The following SEPTIN2 variants were observed in gnomAD, a reference collection of about 807,000 sequenced individuals.
SEPTIN2 encodes septin-2.
In SEPTIN2, 34 loss-of-function variants were observed where a neutral mutation model predicts 46.5. The observed-to-expected ratio is 0.73, with a 90% CI of 0.56 to 0.97. SEPTIN2 has a LOEUF of 0.97. Among genes scored for constraint, SEPTIN2 ranks in the 50% least tolerant of loss-of-function variants. The pLI, the probability that SEPTIN2 is intolerant of heterozygous loss-of-function variation, is 0.00. For missense variants in SEPTIN2, 347 were observed against 448.4 expected (o/e 0.77, Z 2.04); for synonymous variants, 175 against 153.4 (o/e 1.14, Z -1.04).
intron 9 of SEPTIN2, among the ~76,000 whole-genome samples, chr2:241,344,718 TAAATA>T (rs1219953068): frequency 6.7e-6 from 1 of 149,402 alleles, no homozygotes; most frequent in Non-Finnish European, 1.5e-5. Context: ...AATAATAAAT[TAAATA>T]AATAAATTTC....
At chr2:241,328,412 C>G (rs2078369722) in intron 3 of SEPTIN2, among the ~76,000 whole-genome samples, 2 of 151,456 alleles carry the variant, frequency 1.3e-5, no homozygotes, top group Non-Finnish European at 2.9e-5. Flanking sequence ...AGTCTGGCGA[C>G]AGAGCAAGAC....
intron 1 of SEPTIN2, among the ~76,000 whole-genome samples, chr2:241,320,842 C>T (rs1345051274): frequency 6.6e-6 from 1 of 151,924 alleles, no homozygotes; most frequent in African/African-American, 2.4e-5. Flanking sequence ...CTTTTTCCCC[C>T]CCTCATAATT....
chr2:241,316,426 G>T, intron 1 of SEPTIN2: 2 of 1,238,364 alleles, frequency 1.6e-6, no homozygotes, highest in South Asian at 3.1e-5. Flanking sequence ...CCTGAGGCGT[G>T]GAGGACTGGC....
chr2:241,316,986 G>C (rs2076420142), intron 1 of SEPTIN2: 1 of 155,364 alleles, frequency 6.4e-6, no homozygotes, highest in Non-Finnish European at 1.4e-5. Flanking sequence ...GTGAGGGCAG[G>C]GCACATGTTG....
chr2:241,321,286 A>G (rs138811402), intron 1 of SEPTIN2, among the ~76,000 whole-genome samples: 62 of 151,164 alleles, frequency 4.1e-4, no homozygotes, highest in African/African-American at 1.3e-3. Context: ...TTAAGTTTGT[A>G]TTTTTCCTAG....
chr2:241,335,878 A>T (rs2079883987), intron 4 of SEPTIN2, 97 bp from the exon 5 acceptor site: 1 of 1,491,100 alleles, frequency 6.7e-7, no homozygotes, highest in Non-Finnish European at 9.4e-7. Flanking sequence ...CTACCTCTGT[A>T]GAGAGGCAGT....
At chr2:241,321,128 G>A (rs1288602358) in intron 1 of SEPTIN2, among the ~76,000 whole-genome samples, 3 of 152,004 alleles carry the variant, frequency 2.0e-5, no homozygotes, top group South Asian at 2.1e-4. Context: ...CATTTTTTAA[G>A]GTATTGATTC....
At chr2:241,343,476 C>G (rs545124318) in intron 8 of SEPTIN2, among the ~76,000 whole-genome samples, 4 of 150,878 alleles carry the variant, frequency 2.7e-5, no homozygotes, top group African/African-American at 9.8e-5. Context: ...TCTAGCCTGG[C>G]GACAGAGCAA....
chr2:241,335,352 G>A, intron 4 of SEPTIN2, 140 bp downstream of exon 4: 2 of 1,552,730 alleles, frequency 1.3e-6, no homozygotes, highest in Non-Finnish European at 1.7e-6. Context: ...CTTTTATGGG[G>A]TAGGTGTGCT....
intron 12 of SEPTIN2, 123 bp from the exon 13 acceptor site, chr2:241,351,844 T>G (rs1575424160): frequency 6.6e-6 from 1 of 152,242 alleles, no homozygotes; most frequent in Non-Finnish European, 1.5e-5. Context: ...TTTGTGGTCA[T>G]GTAAGCCCTG....
intron 10 of SEPTIN2, chr2:241,346,589 AT>A (rs77679491): frequency 5.0e-4 from 77 of 154,846 alleles, no homozygotes; most frequent in South Asian, 9.9e-4. Context: ...CTCTACAAAA[AT>A]TTAAAAAAAA....
intron 3 of SEPTIN2, among the ~76,000 whole-genome samples, chr2:241,333,910 G>T (rs1195085297): frequency 1.3e-5 from 2 of 152,170 alleles, no homozygotes; most frequent in East Asian, 3.9e-4. Flanking sequence ...AAGTGCAGTG[G>T]CATGATCATA....
At chr2:241,348,686 CAT>C (rs2060502019) in intron 11 of SEPTIN2, among the ~76,000 whole-genome samples, 2 of 151,790 alleles carry the variant, frequency 1.3e-5, no homozygotes, top group African/African-American at 2.4e-5. Context: ...TAATAATAAA[CAT>C]GGATATTTAC....
At chr2:241,341,879 G>T (rs1473251611) in intron 7 of SEPTIN2, among the ~76,000 whole-genome samples, 1 of 152,226 alleles carries the variant, frequency 6.6e-6, no homozygotes, top group Non-Finnish European at 1.5e-5. Context: ...CCTGCCTGGT[G>T]CCTGTGAGAA....
At position 241,336,059 on chromosome 2, in the gene SEPTIN2, A is replaced by G; in HGVS notation, c.302A>G (p.Asp101Gly). 6.2e-7 allele frequency: 1 copy of G among 1,614,124 alleles called. No homozygotes were observed. The highest frequency in any genetic ancestry group is 8.5e-7 in the Non-Finnish European group (1 of 1,179,964). Residue 101 changes from aspartate (D) to glycine (G), a missense_variant, in exon 5 of 13, where the codon GAT becomes GGT. Physicochemically the swap from Asp to Gly is moderately conservative, Grantham distance 94. Transcript: ENST00000391971. Reference protein sequence around the residue: ...RGVKLRLTVVDTPGYGDAINC... With the variant: ...RGVKLRLTVVGTPGYGDAINC... ...GTCAAGCTACGCCTGACAGTGGTAG[A>G]TACCCCTGGCTATGGTGACGCTATC...
rs1259463812 is a variant in SEPTIN2 at position 241,338,829 on chromosome 2, AAT to A, written c.594+1047_594+1048del. Among the ~76,000 whole-genome samples, 5 of 98,156 alleles carry A rather than the reference AAT, an allele frequency of 5.1e-5. No homozygotes were observed. In the East Asian group the frequency reaches 1.2e-3, roughly 23 times the overall value. 64.4% of individuals were successfully genotyped at this position (98,156 alleles called of 152,430 possible). On this transcript the variant is annotated intron_variant, in intron 7 of 12. Transcript: ENST00000391971. ...TATTATATTTATATTATTTATATAT[AAT>A]ATATATAATAAATATATAATATATA...
chr2:241,337,336 C>CT, intron 5 of SEPTIN2, 46 bp from the exon 6 acceptor site: 1 of 1,536,128 alleles, frequency 6.5e-7, no homozygotes, highest in Non-Finnish European at 8.8e-7. Flanking sequence ...CAGGGACCCC[C>CT]TGTTTTATAC....
Position 241,350,153 on chromosome 2 carries a change from G to A in SEPTIN2, c.1065G>A (p.Gly355=). ...TGCAGGGCGGGGATGGCGATGGCGGGGCTCTCGGGCACCACGTGTAAGGTG... is the reference window on the plus strand; with the variant it reads ...TGCAGGGCGGGGATGGCGATGGCGGAGCTCTCGGGCACCACGTGTAAGGTG... The part of the protein sequence containing the change: ...MQMQGGDGDG[G]ALGHHV The change falls in exon 12 of 13, where the codon GGG becomes GGA. Residue 355 remains glycine, a synonymous_variant. Coordinates refer to ENST00000391971, the MANE Select transcript of SEPTIN2 (RefSeq NM_004404.5). 1.2e-6 allele frequency: 2 copies of A among 1,613,678 alleles called. No homozygotes were observed. Among genetic ancestry groups the A allele is most frequent in the East Asian group, 2.2e-5 (1 of 44,882 alleles).
At chr2:241,318,582 G>A (rs1355902069) in intron 1 of SEPTIN2, among the ~76,000 whole-genome samples, 1 of 151,984 alleles carries the variant, frequency 6.6e-6, no homozygotes, top group African/African-American at 2.4e-5. Context: ...TAAATGATGT[G>A]CCCCCATTTC....
Sources: gnomAD v4.1 joint callset for allele counts (sites outside exome capture counted in the v4.1 genomes callset) on GRCh38, gnomAD v4.1.1 for gene constraint, MANE v1.5 for transcripts, NCBI Gene and HGNC (gene_info 2026-07-23, HGNC 2026-07-21) for gene names.